KAT14: variants seen among roughly 807,000 people sequenced by gnomAD.
KAT14 encodes lysine acetyltransferase 14, also known as cysteine-rich protein 2-binding protein.
In KAT14, 66 loss-of-function variants were observed where a neutral mutation model predicts 78.4. The observed-to-expected ratio is 0.84, with a 90% CI of 0.69 to 1.03. The LOEUF (loss-of-function observed/expected upper bound fraction) is 1.03. Among genes scored for constraint, KAT14 ranks in the 50% least tolerant of loss-of-function variants. KAT14 has a pLI of 0.00. For missense variants in KAT14, 870 were observed against 972.5 expected (o/e 0.89, Z 1.40); for synonymous variants, 344 against 359.4 (o/e 0.96, Z 0.48).
chr20:18,161,853 CT>C lies in KAT14; in HGVS notation c.714del (p.Val239LeufsTer19), dbSNP rs760705688. 6.2e-7 allele frequency: 1 copy of C among 1,614,028 alleles called. No homozygotes were observed. The highest frequency in any genetic ancestry group is 1.7e-5 in the Admixed American group (1 of 59,972). On this transcript the variant is annotated frameshift_variant, in exon 6 of 11. Coordinates refer to ENST00000688188, the MANE Select transcript of KAT14 (RefSeq NM_001392073.1). LOFTEE classifies it high-confidence loss of function. The stretch of plus-strand genomic sequence containing the variant: ...AAACCAACTTTAGATCCCATCATTA[CT>C]GTTGAGGGACTTAGAAAACGAGCAA... Reference protein sequence around the residue: ...ASKPTLDPIITVEGLRKRASR... With the variant: ...ASKPTLDPIIXVEGLRKRASR...
At chr20:18,180,121 C>T (rs931598260) in intron 7 of KAT14, among the ~76,000 whole-genome samples, 28 of 152,028 alleles carry the variant, frequency 1.8e-4, no homozygotes, top group African/African-American at 6.0e-4. Context: ...TGCCCACCTC[C>T]GTCTCCCATA....
intron 7 of KAT14, among the ~76,000 whole-genome samples, chr20:18,180,312 T>C (rs901150339): frequency 6.6e-6 from 1 of 152,202 alleles, no homozygotes; most frequent in African/African-American, 2.4e-5. Context: ...AAGAGTCACC[T>C]TTGCTCCAAT....
At chr20:18,138,151 G>A in intron 1 of KAT14, 100 bp downstream of exon 1, 2 of 1,340,584 alleles carry the variant, frequency 1.5e-6, no homozygotes, top group South Asian at 3.7e-5. Flanking sequence ...TCCTCTTCGT[G>A]TCTTTCCCCC....
Position 18,145,032 on chromosome 20 carries a change from A to C in KAT14, c.260-201A>C, listed in dbSNP as rs2037772520. On this transcript the variant is annotated intron_variant, in intron 2 of 10. Transcript: ENST00000688188. The stretch of plus-strand genomic sequence containing the variant: ...TCTCCTAAAAGTTACTGGATCCTAC[A>C]GATCTTAGTGGGCGTATACTTGGTG... 7 of 1,261,956 alleles carry C rather than the reference A, an allele frequency of 5.5e-6. No individual in the cohort carries two copies. In the South Asian group the frequency reaches 1.5e-4, roughly 27 times the overall value. 78.2% of individuals were successfully genotyped at this position (1,261,956 alleles called of 1,614,324 possible). A position where few individuals can be genotyped will look rare whatever the true frequency, so the allele number is the denominator to read the frequency against.
In KAT14 at chr20:18,171,293, C is replaced by T. The variant is rs188866222; in HGVS notation, c.1668+8348C>T. Reference sequence around the variant, plus strand: ...TAGAAGTGGAGCCTGAAGATGTGACCGATAAATGTCATGATAAAACTTGAA... The same window carrying T: ...TAGAAGTGGAGCCTGAAGATGTGACTGATAAATGTCATGATAAAACTTGAA... On this transcript the variant is annotated intron_variant, in intron 7 of 10. Coordinates refer to ENST00000688188, the MANE Select transcript of KAT14 (RefSeq NM_001392073.1). Among the ~76,000 whole-genome samples the T allele has an allele frequency of 2.1e-3, 321 of 152,188 alleles. 2 individuals are homozygous for T. Among genetic ancestry groups the T allele is most frequent in the African/African-American group, 7.2e-3 (298 of 41,530 alleles).
At chr20:18,148,473 G>A (rs965458833) in intron 3 of KAT14, among the ~76,000 whole-genome samples, 1 of 152,086 alleles carries the variant, frequency 6.6e-6, no homozygotes, top group Non-Finnish European at 1.5e-5. Context: ...TTTTTCTAGT[G>A]TTCTTCAGCA....
At chr20:18,172,975 T>G (rs1467102202) in intron 7 of KAT14, among the ~76,000 whole-genome samples, 1 of 152,184 alleles carries the variant, frequency 6.6e-6, no homozygotes, top group Non-Finnish European at 1.5e-5. Flanking sequence ...TTCTCTCCGG[T>G]CAGCTGGGAC....
chr20:18,179,243 G>A (rs1438205433), intron 7 of KAT14, among the ~76,000 whole-genome samples: 4 of 152,192 alleles, frequency 2.6e-5, no homozygotes, highest in Admixed American at 6.5e-5. Context: ...GCAGGCTATC[G>A]GTGGATCTGC....
rs1345263892 is a variant in KAT14 at position 18,137,892 on chromosome 20, A to C, written c.-613A>C. On this transcript the variant is annotated 5_prime_UTR_variant, in exon 1 of 11. Coordinates refer to ENST00000688188, the MANE Select transcript of KAT14 (RefSeq NM_001392073.1). ...CTGGGCAGTACAGGCGGCGGTGCGC[A>C]CTCTGCGGCGGCCTCTGCGCCTCGG... The C allele has an allele frequency of 2.1e-6, 3 of 1,420,760 alleles. No homozygotes were observed. Among genetic ancestry groups the C allele is most frequent in the Non-Finnish European group, 2.8e-6 (3 of 1,089,790 alleles). 88.0% of individuals were successfully genotyped at this position (1,420,760 alleles called of 1,614,324 possible).
intron 7 of KAT14, among the ~76,000 whole-genome samples, chr20:18,173,625 CTTTTT>C (rs11475865): frequency 7.1e-6 from 1 of 139,918 alleles, no homozygotes; most frequent in Non-Finnish European, 1.6e-5. Flanking sequence ...ACCATTACTT[CTTTTT>C]TTTTTTTTTG....
chr20:18,161,272 G>A (rs902037412), intron 5 of KAT14, among the ~76,000 whole-genome samples: 7 of 151,308 alleles, frequency 4.6e-5, no homozygotes, highest in African/African-American at 1.5e-4. Context: ...GCTCACTGCA[G>A]CCACCACCTC....
intron 7 of KAT14, among the ~76,000 whole-genome samples, chr20:18,180,109 T>A (rs1415875163): frequency 1.3e-5 from 2 of 152,144 alleles, no homozygotes; most frequent in Non-Finnish European, 2.9e-5. Flanking sequence ...CCTCAGGTGA[T>A]CTGCCCACCT....
intron 4 of KAT14, among the ~76,000 whole-genome samples, chr20:18,151,633 A>G (rs2038046220): frequency 6.6e-6 from 1 of 152,006 alleles, no homozygotes; most frequent in African/African-American, 2.4e-5. Context: ...TTACCTTGTT[A>G]GAGATTTAGA....
chr20:18,138,977 A>G (rs2037414511), intron 1 of KAT14, among the ~76,000 whole-genome samples: 1 of 152,002 alleles, frequency 6.6e-6, no homozygotes, highest in Non-Finnish European at 1.5e-5. Flanking sequence ...AACCTAGTTC[A>G]CCAAGGGTGA....
chr20:18,158,595 T>C (rs1444516718), intron 4 of KAT14, among the ~76,000 whole-genome samples: 4 of 152,202 alleles, frequency 2.6e-5, no homozygotes, highest in Non-Finnish European at 4.4e-5. Flanking sequence ...TAGGATCAGA[T>C]TGAGAGATGT....
chr20:18,147,116 T>C (rs1254997247), intron 3 of KAT14, among the ~76,000 whole-genome samples: 2 of 152,218 alleles, frequency 1.3e-5, no homozygotes, highest in Non-Finnish European at 2.9e-5. Flanking sequence ...TAGCCACTTA[T>C]GGTGTTCCTT....
intron 4 of KAT14, among the ~76,000 whole-genome samples, chr20:18,155,891 T>C (rs2146400179): frequency 6.6e-6 from 1 of 152,316 alleles, no homozygotes; most frequent in African/African-American, 2.4e-5. Flanking sequence ...CTTCTGGGTA[T>C]ATACTCAAAA....
At chr20:18,145,425 CTT>C (rs1430238492) in intron 3 of KAT14, 74 bp downstream of exon 3, 3 of 1,580,002 alleles carry the variant, frequency 1.9e-6, no homozygotes, top group Non-Finnish European at 2.6e-6. Context: ...TATCTAGAAA[CTT>C]AGGGATGAGC....
At chr20:18,172,002 G>A (rs1336887012) in intron 7 of KAT14, among the ~76,000 whole-genome samples, 1 of 152,174 alleles carries the variant, frequency 6.6e-6, no homozygotes, top group East Asian at 1.9e-4. Context: ...AGGCTCAGAT[G>A]ATCATTGGCA....
Sources: allele counts gnomAD v4.1 joint callset (sites outside exome capture counted in the v4.1 genomes callset), GRCh38; gene constraint gnomAD v4.1.1; transcripts MANE v1.5; gene names NCBI Gene and HGNC (gene_info 2026-07-23, HGNC 2026-07-21).